Variants in HAO1 observed in about 807,000 individuals in gnomAD.
The protein encoded by HAO1 is 2-Hydroxyacid oxidase 1.
HAO1 carries 34 observed loss-of-function variants against 39.7 expected under a neutral mutation model. The observed-to-expected ratio is 0.86, with a 90% CI of 0.65 to 1.14. The LOEUF (loss-of-function observed/expected upper bound fraction) is 1.14, where lower values mean the gene tolerates loss of function less well. Ranked by LOEUF, HAO1 falls within the 50% of genes most tolerant of loss-of-function variation. The probability of loss-of-function intolerance (pLI) is 0.00; values close to 1 mark genes in which losing one functional copy is unlikely to be tolerated. For synonymous variants in HAO1, 172 were observed against 173.2 expected, an observed-to-expected ratio of 0.99 and a Z score of 0.05; for missense variants, 479 against 464.5, an observed-to-expected ratio of 1.03 and a Z score of -0.29.
chr20:7,934,255 A>G (rs1200476540), intron 2 of HAO1, among the ~76,000 whole-genome samples: 1 of 152,090 alleles, frequency 6.6e-6, no homozygotes, highest in Non-Finnish European at 1.5e-5. Context: ...TTTTGTCCCT[A>G]TTTTACAGCC....
At chr20:7,939,007 A>G (rs1344999216) in intron 1 of HAO1, among the ~76,000 whole-genome samples, 2 of 152,192 alleles carry the variant, frequency 1.3e-5, no homozygotes, top group African/African-American at 4.8e-5. Context: ...GTAATAACCT[A>G]TTTGGGTTAA....
intron 5 of HAO1, among the ~76,000 whole-genome samples, chr20:7,893,050 A>G (rs1335832935): frequency 6.6e-6 from 1 of 152,132 alleles, no homozygotes; most frequent in East Asian, 1.9e-4. Flanking sequence ...TGTCATGACA[A>G]AATCCACTTT....
chr20:7,917,339 CAAAAAA>C (rs55848354), intron 2 of HAO1, among the ~76,000 whole-genome samples: 5 of 62,412 alleles, frequency 8.0e-5, no homozygotes, highest in South Asian at 5.8e-4. Context: ...GACTCCCTGT[CAAAAAA>C]AAAAAAAAAA....
intron 2 of HAO1, among the ~76,000 whole-genome samples, chr20:7,932,002 C>A (rs935509182): frequency 2.6e-5 from 4 of 152,156 alleles, no homozygotes; most frequent in Non-Finnish European, 5.9e-5. Context: ...ATTATAATCC[C>A]AGGTGTTGAG....
chr20:7,922,853 A>G (rs953451486), intron 2 of HAO1, among the ~76,000 whole-genome samples: 3 of 152,122 alleles, frequency 2.0e-5, no homozygotes, highest in African/African-American at 7.2e-5. Flanking sequence ...ATGATATAAA[A>G]ATAAATGAGA....
At chr20:7,925,035 C>T (rs926478484) in intron 2 of HAO1, among the ~76,000 whole-genome samples, 2 of 152,098 alleles carry the variant, frequency 1.3e-5, no homozygotes, top group African/African-American at 4.8e-5. Context: ...AGTGTGTCAT[C>T]CTATCTTCAC....
Position 7,883,645 on chromosome 20 carries a change from A to T in HAO1, c.1061T>A (p.Val354Asp). The T allele has an allele frequency of 6.2e-7, 1 of 1,612,264 alleles. No homozygotes were observed. Among genetic ancestry groups the T allele is most frequent in the Non-Finnish European group, 8.5e-7 (1 of 1,178,366 alleles). The change falls in exon 8 of 8, where the codon GTC becomes GAC. Residue 354 changes from valine (V) to aspartate (D), a missense_variant. Transcript: ENST00000378789. ...TTTCCTCACCAATGTCTTGTCGATG[A>T]CTTTCACATTCTGGCACCCTGAAAA... ...MALSGCQNVKVIDKTLVRKNP... is the reference protein window; with the variant it reads ...MALSGCQNVKDIDKTLVRKNP...
At chr20:7,918,410 C>T (rs2122781883) in intron 2 of HAO1, among the ~76,000 whole-genome samples, 1 of 152,316 alleles carries the variant, frequency 6.6e-6, no homozygotes, top group African/African-American at 2.4e-5. Context: ...GAAGTTGGTA[C>T]ATACCAGAAT....
intron 7 of HAO1, 142 bp from the exon 8 acceptor site, chr20:7,883,805 A>G: frequency 1.4e-6 from 1 of 701,024 alleles, no homozygotes; most frequent in Non-Finnish European, 2.5e-6. Flanking sequence ...GTGGCATGAG[A>G]CCATTTTTTA....
chr20:7,939,071 G>T (rs2235241), intron 1 of HAO1, among the ~76,000 whole-genome samples: 4 of 151,920 alleles, frequency 2.6e-5, no homozygotes, highest in African/African-American at 7.3e-5. Flanking sequence ...AGTTAATATC[G>T]GCCCAAGAAG....
chr20:7,885,348 A>G (rs1403467749), intron 7 of HAO1, 173 bp downstream of exon 7: 15 of 610,668 alleles, frequency 2.5e-5, no homozygotes, highest in Non-Finnish European at 4.1e-5. Flanking sequence ...TTAAGTAATT[A>G]CTAGAGACTG....
chr20:7,925,093 T>G (rs917890677), intron 2 of HAO1, among the ~76,000 whole-genome samples: 2 of 152,198 alleles, frequency 1.3e-5, no homozygotes, highest in African/African-American at 4.8e-5. Context: ...TACCATCACA[T>G]AGACGCAGTC....
At chr20:7,917,340 A>C (rs1175224072) in intron 2 of HAO1, among the ~76,000 whole-genome samples, 13 of 79,560 alleles carry the variant, frequency 1.6e-4, no homozygotes, top group Admixed American at 1.3e-3. Context: ...ACTCCCTGTC[A>C]AAAAAAAAAA....
intron 1 of HAO1, among the ~76,000 whole-genome samples, chr20:7,939,473 T>C (rs2050430728): frequency 6.6e-6 from 1 of 152,238 alleles, no homozygotes; most frequent in Admixed American, 6.5e-5. Context: ...TCTGCCTTTT[T>C]GTCTTTATCA....
intron 7 of HAO1, 118 bp downstream of exon 7, chr20:7,885,403 A>G (rs1197065623): frequency 2.8e-6 from 2 of 702,656 alleles, no homozygotes; most frequent in African/African-American, 1.8e-5. Flanking sequence ...GTCAACGTCA[A>G]ATTTAATGTA....
At chr20:7,888,484 A>T (rs545249270) in intron 5 of HAO1, among the ~76,000 whole-genome samples, 7 of 152,286 alleles carry the variant, frequency 4.6e-5, no homozygotes, top group African/African-American at 1.7e-4. Flanking sequence ...ATAGTTTAAA[A>T]TAAACAAAAG....
At chr20:7,913,178 T>G (rs1042263094) in intron 3 of HAO1, among the ~76,000 whole-genome samples, 5 of 151,152 alleles carry the variant, frequency 3.3e-5, no homozygotes, top group Non-Finnish European at 7.4e-5. Flanking sequence ...TTGTTTTTTT[T>G]TTTTTTTCCA....
In HAO1 at chr20:7,885,590, C is replaced by A. The variant is rs1381766121; in HGVS notation, c.973G>T (p.Gly325Trp). ...RPIVWGLAFQ[G>W]EKGVQDVLEI... is the part of the protein sequence containing the mutation. ...AGGACATCTTGAACACCTTTCTCCC[C>A]CTAACCAAGTGAAAAGATACAGAGT... Residue 325 changes from glycine to tryptophan, a missense_variant and splice_region_variant, in exon 7 of 8, where the codon GGG becomes TGG. Coordinates refer to ENST00000378789, the MANE Select transcript of HAO1 (RefSeq NM_017545.3). The A allele has an allele frequency of 1.2e-6, 2 of 1,608,678 alleles. No individual in the cohort carries two copies. The highest frequency in any genetic ancestry group is 2.7e-5 in the African/African-American group (2 of 74,774).
At chr20:7,938,728 T>C (rs1036523363) in intron 1 of HAO1, among the ~76,000 whole-genome samples, 1 of 152,180 alleles carries the variant, frequency 6.6e-6, no homozygotes, top group East Asian at 1.9e-4. Context: ...AACAGCATTA[T>C]GGAGGCTGAT....
Sources: allele counts gnomAD v4.1 joint callset (sites outside exome capture counted in the v4.1 genomes callset), GRCh38; gene constraint gnomAD v4.1.1; transcripts MANE v1.5; gene names NCBI Gene and HGNC (gene_info 2026-07-23, HGNC 2026-07-21).